Variants in GALNTL6 observed in about 807,000 individuals in gnomAD.
GALNTL6 encodes the protein polypeptide N-acetylgalactosaminyltransferase like 6.
A neutral mutation model predicts 73.7 loss-of-function variants in GALNTL6; 46 were observed. That is an observed-to-expected ratio of 0.62 (90% CI 0.49 to 0.80). The LOEUF (loss-of-function observed/expected upper bound fraction) is 0.80. Ranked by LOEUF, GALNTL6 falls within the 30% of genes least tolerant of loss-of-function variation. The pLI is 0.00. For missense variants in GALNTL6, 604 were observed against 755.0 expected, an observed-to-expected ratio of 0.80 and a Z score of 2.34; for synonymous variants, 259 against 263.7, an observed-to-expected ratio of 0.98 and a Z score of 0.17.
At chr4:172,635,361 T>G (rs2111106731) in intron 5 of GALNTL6, among the ~76,000 whole-genome samples, 1 of 152,236 alleles carries the variant, frequency 6.6e-6, no homozygotes, top group Admixed American at 6.5e-5. Flanking sequence ...TTCTGGAACT[T>G]TATGGTAACT....
chr4:172,529,004 TATAC>T (rs1424512592), intron 5 of GALNTL6, among the ~76,000 whole-genome samples: 8 of 45,774 alleles, frequency 1.7e-4, no homozygotes, highest in African/African-American at 4.7e-4. Flanking sequence ...TATATATATA[TATAC>T]ACACACACAC....
chr4:172,274,164 A>G (rs965204073), intron 3 of GALNTL6, among the ~76,000 whole-genome samples: 2 of 152,198 alleles, frequency 1.3e-5, no homozygotes, highest in African/African-American at 4.8e-5. Context: ...AATTCACAGT[A>G]TCATGCACTA....
At chr4:171,946,018 G>A (rs1181466409) in intron 2 of GALNTL6, among the ~76,000 whole-genome samples, 1 of 152,094 alleles carries the variant, frequency 6.6e-6, no homozygotes, top group African/African-American at 2.4e-5. Context: ...GCAAATTTGT[G>A]CATGGCTTTT....
intron 2 of GALNTL6, among the ~76,000 whole-genome samples, chr4:172,000,698 A>C (rs1405094529): frequency 1.3e-5 from 2 of 152,078 alleles, no homozygotes; most frequent in Non-Finnish European, 2.9e-5. Flanking sequence ...ATCCACAGAC[A>C]CCTGTGCCTT....
intron 5 of GALNTL6, among the ~76,000 whole-genome samples, chr4:172,494,983 C>T (rs926797238): frequency 1.3e-5 from 2 of 152,180 alleles, no homozygotes; most frequent in African/African-American, 4.8e-5. Context: ...TCAATGTTAA[C>T]CATCATACAC....
At chr4:172,242,095 G>A (rs537232787) in intron 3 of GALNTL6, among the ~76,000 whole-genome samples, 105 of 151,998 alleles carry the variant, frequency 6.9e-4, no homozygotes, top group African/African-American at 2.3e-3. Context: ...ATTTCTCCAC[G>A]TATAATTTTT....
In GALNTL6 at chr4:171,909,602, A is replaced by G. The variant is rs528314575; in HGVS notation, c.138+94884A>G. Among the ~76,000 whole-genome samples the G allele has an allele frequency of 3.9e-5, 6 of 152,304 alleles. No homozygotes were observed. The South Asian group carries it at 8.3e-4, about 21-fold the overall frequency. ...TAATGTAACTGAGGACGGTAGAAAA[A>G]TCCATGAATAGGAAGCTTGCCAATG... On this transcript the variant is annotated intron_variant, in intron 2 of 12. Transcript: ENST00000506823.
chr4:172,588,087 C>T (rs185963896), intron 5 of GALNTL6, among the ~76,000 whole-genome samples: 3 of 152,052 alleles, frequency 2.0e-5, no homozygotes, highest in Admixed American at 6.5e-5. Flanking sequence ...AATTAAGCAA[C>T]GTAGCATAAT....
intron 9 of GALNTL6, among the ~76,000 whole-genome samples, chr4:172,932,724 A>G (rs987734130): frequency 6.6e-6 from 1 of 152,194 alleles, no homozygotes; most frequent in Non-Finnish European, 1.5e-5. Flanking sequence ...CCTTATATAC[A>G]TGGCCTGAAG....
At chr4:172,434,811 C>T (rs1731576755) in intron 5 of GALNTL6, among the ~76,000 whole-genome samples, 1 of 152,072 alleles carries the variant, frequency 6.6e-6, no homozygotes, top group African/African-American at 2.4e-5. Context: ...TACTACATTG[C>T]ATTGCACTGT....
At chr4:172,767,016 G>A (rs1359326845) in intron 5 of GALNTL6, among the ~76,000 whole-genome samples, 1 of 152,144 alleles carries the variant, frequency 6.6e-6, no homozygotes, top group Non-Finnish European at 1.5e-5. Flanking sequence ...AACCCAGAAC[G>A]ATGTTCCTAG....
chr4:172,046,355 A>T (rs900065177), intron 2 of GALNTL6, among the ~76,000 whole-genome samples: 1 of 152,050 alleles, frequency 6.6e-6, no homozygotes, highest in Non-Finnish European at 1.5e-5. Flanking sequence ...TGCACAACGT[A>T]CAGGTTTGTT....
At chr4:172,588,209 T>C (rs1393586491) in intron 5 of GALNTL6, among the ~76,000 whole-genome samples, 1 of 152,188 alleles carries the variant, frequency 6.6e-6, no homozygotes, top group East Asian at 1.9e-4. Flanking sequence ...ATGTGTATTG[T>C]AGTTTTTACC....
chr4:171,875,164 T>G (rs1336532957), intron 2 of GALNTL6, among the ~76,000 whole-genome samples: 1 of 152,156 alleles, frequency 6.6e-6, no homozygotes, highest in Admixed American at 6.5e-5. Flanking sequence ...ATGATGATAA[T>G]GTTACCAGGA....
At chr4:171,905,585 G>A (rs1331213966) in intron 2 of GALNTL6, among the ~76,000 whole-genome samples, 8 of 149,940 alleles carry the variant, frequency 5.3e-5, no homozygotes, top group East Asian at 3.9e-4. Context: ...ACAGATCAAC[G>A]AGACAGAAAG....
At chr4:172,748,797 G>A (rs1737257345) in intron 5 of GALNTL6, among the ~76,000 whole-genome samples, 1 of 152,214 alleles carries the variant, frequency 6.6e-6, no homozygotes. Flanking sequence ...GATATTCGAA[G>A]TGATGGATAT....
At chr4:172,094,460 T>C (rs1052402111) in intron 2 of GALNTL6, among the ~76,000 whole-genome samples, 2 of 152,090 alleles carry the variant, frequency 1.3e-5, no homozygotes, top group Non-Finnish European at 2.9e-5. Context: ...AAAAAACTTA[T>C]CTTATTAAAA....
intron 2 of GALNTL6, among the ~76,000 whole-genome samples, chr4:171,913,735 A>T (rs1737537289): frequency 2.0e-5 from 3 of 152,194 alleles, no homozygotes; most frequent in Non-Finnish European, 4.4e-5. Flanking sequence ...GTGTCTTTTC[A>T]GAGAAATTAG....
chr4:172,209,315 T>C (rs1051085658), intron 2 of GALNTL6, among the ~76,000 whole-genome samples: 1 of 152,034 alleles, frequency 6.6e-6, no homozygotes, highest in South Asian at 2.1e-4. Flanking sequence ...ATATGGTCAC[T>C]GCGAGATTGA....
Sources: gnomAD v4.1 joint callset for allele counts (sites outside exome capture counted in the v4.1 genomes callset) on GRCh38, gnomAD v4.1.1 for gene constraint, MANE v1.5 for transcripts, NCBI Gene and HGNC (gene_info 2026-07-23, HGNC 2026-07-21) for gene names.